Variants in DNER observed in about 807,000 individuals in gnomAD.
The protein encoded by DNER is delta/notch like EGF repeat containing, also known as delta and Notch-like epidermal growth factor-related receptor.
DNER carries 33 observed loss-of-function variants against 78.2 expected under a neutral mutation model. The observed-to-expected ratio is 0.42, with a 90% CI of 0.32 to 0.56. DNER has a LOEUF of 0.56. Ranked by LOEUF, DNER falls within the 20% of genes least tolerant of loss-of-function variation. The pLI, the probability that DNER is intolerant of heterozygous loss-of-function variation, is 0.11. For synonymous variants in DNER, 417 were observed against 384.8 expected, an observed-to-expected ratio of 1.08 and a Z score of -0.98; for missense variants, 918 against 975.3, an observed-to-expected ratio of 0.94 and a Z score of 0.78.
chr2:229,586,689 C>G (rs958386454), intron 3 of DNER: 116 of 985,456 alleles, frequency 1.2e-4, no homozygotes, highest in Non-Finnish European at 1.4e-4. Flanking sequence ...CCAGTTCTTT[C>G]TCACCTCCCA....
At chr2:229,485,141 G>A (rs1272946831) in intron 6 of DNER, among the ~76,000 whole-genome samples, 1 of 152,202 alleles carries the variant, frequency 6.6e-6, no homozygotes, top group African/African-American at 2.4e-5. Flanking sequence ...GAACACTGCA[G>A]TACAACAAAG....
At chr2:229,711,353 T>G (rs989414083) in intron 1 of DNER, among the ~76,000 whole-genome samples, 1 of 151,568 alleles carries the variant, frequency 6.6e-6, no homozygotes, top group Non-Finnish European at 1.5e-5. Flanking sequence ...GTCCCATAGA[T>G]CCCATCGTTG....
chr2:229,643,525 G>C (rs997896445), intron 1 of DNER, among the ~76,000 whole-genome samples: 24 of 152,218 alleles, frequency 1.6e-4, no homozygotes, highest in Admixed American at 7.2e-4. Context: ...AAACAGGTCT[G>C]CCTGGTCTTC....
intron 4 of DNER, among the ~76,000 whole-genome samples, chr2:229,581,864 C>A (rs1697402403): frequency 6.6e-6 from 1 of 151,292 alleles, no homozygotes; most frequent in African/African-American, 2.5e-5. Context: ...TACCTTTGGT[C>A]ATCAGTTATG....
chr2:229,641,616 G>A (rs1698626200), intron 1 of DNER, among the ~76,000 whole-genome samples: 1 of 147,482 alleles, frequency 6.8e-6, no homozygotes, highest in Non-Finnish European at 1.5e-5. Flanking sequence ...CAGGGAAGTA[G>A]AGAACTACAA....
chr2:229,467,659 T>C (rs902086383), intron 7 of DNER, among the ~76,000 whole-genome samples: 9 of 152,208 alleles, frequency 5.9e-5, no homozygotes, highest in African/African-American at 2.2e-4. Flanking sequence ...GAGATAATTC[T>C]GCTACAAGAA....
intron 4 of DNER, among the ~76,000 whole-genome samples, chr2:229,558,794 A>G (rs1315809679): frequency 6.6e-6 from 1 of 152,138 alleles, no homozygotes. Context: ...GAAGGTGAAA[A>G]TGAGCCAGCA....
chr2:229,695,375 C>G (rs1315184516), intron 1 of DNER, among the ~76,000 whole-genome samples: 1 of 151,242 alleles, frequency 6.6e-6, no homozygotes, highest in Non-Finnish European at 1.5e-5. Flanking sequence ...ATGTAAGTAA[C>G]TGAACACTTA....
At chr2:229,518,953 C>CTTTTTT (rs11441895) in intron 5 of DNER, among the ~76,000 whole-genome samples, 7 of 145,342 alleles carry the variant, frequency 4.8e-5, no homozygotes, top group East Asian at 2.0e-4. Flanking sequence ...TGCGATTACT[C>CTTTTTT]TTTTTTTTTT....
intron 11 of DNER, among the ~76,000 whole-genome samples, chr2:229,378,319 C>T (rs903456755): frequency 4.6e-5 from 7 of 152,160 alleles, no homozygotes; most frequent in Non-Finnish European, 7.3e-5. Flanking sequence ...GAAACTAATA[C>T]AGATGGTCAG....
chr2:229,704,686 C>T (rs544817530), intron 1 of DNER, among the ~76,000 whole-genome samples: 3 of 152,178 alleles, frequency 2.0e-5, no homozygotes, highest in Admixed American at 6.5e-5. Context: ...TTTACTACAA[C>T]GGGGCATGAG....
chr2:229,584,893 CAAAAA>C (rs112680143), intron 4 of DNER, among the ~76,000 whole-genome samples: 2 of 60,818 alleles, frequency 3.3e-5, no homozygotes, highest in East Asian at 5.2e-4. Context: ...GAGATCGTCC[CAAAAA>C]AAAAAAAAAA....
At chr2:229,713,461 G>A (rs1315150170) in intron 1 of DNER, among the ~76,000 whole-genome samples, 1 of 152,186 alleles carries the variant, frequency 6.6e-6, no homozygotes, top group Non-Finnish European at 1.5e-5. Flanking sequence ...CGTGCGCCCC[G>A]TGGAGCGTCC....
intron 1 of DNER, among the ~76,000 whole-genome samples, chr2:229,696,211 C>T (rs1699660159): frequency 6.6e-6 from 1 of 152,180 alleles, no homozygotes; most frequent in African/African-American, 2.4e-5. Flanking sequence ...TTATACTGAG[C>T]TCATTAAAAA....
At chr2:229,551,186 A>G (rs1696728471) in intron 4 of DNER, among the ~76,000 whole-genome samples, 1 of 152,182 alleles carries the variant, frequency 6.6e-6, no homozygotes, top group Non-Finnish European at 1.5e-5. Context: ...GACTTCTCTC[A>G]TGGCCTCTCA....
At chr2:229,625,497 T>TAGG (rs1698322581) in intron 1 of DNER, among the ~76,000 whole-genome samples, 1 of 152,090 alleles carries the variant, frequency 6.6e-6, no homozygotes, top group South Asian at 2.1e-4. Flanking sequence ...CACCGAGTCA[T>TAGG]ATCAAAGGCC....
At chr2:229,517,356 A>G (rs866909221) in intron 5 of DNER, among the ~76,000 whole-genome samples, 6 of 152,342 alleles carry the variant, frequency 3.9e-5, no homozygotes, top group Non-Finnish European at 7.3e-5. Flanking sequence ...AAATTAAGTT[A>G]TAAATGGCAT....
At chr2:229,484,723 C>T (rs553304052) in intron 6 of DNER, among the ~76,000 whole-genome samples, 1 of 152,254 alleles carries the variant, frequency 6.6e-6, no homozygotes, top group South Asian at 2.1e-4. Flanking sequence ...CTCTCCAATA[C>T]ACAAGACAGT....
At chr2:229,676,797 G>A (rs770353300) in intron 1 of DNER, among the ~76,000 whole-genome samples, 3 of 152,124 alleles carry the variant, frequency 2.0e-5, no homozygotes, top group Non-Finnish European at 4.4e-5. Flanking sequence ...AAATTCTCAT[G>A]TAGACCTGCT....
Sources: allele counts gnomAD v4.1 joint callset (sites outside exome capture counted in the v4.1 genomes callset), GRCh38; gene constraint gnomAD v4.1.1; transcripts MANE v1.5; gene names NCBI Gene and HGNC (gene_info 2026-07-23, HGNC 2026-07-21).